The following CR1L variants were observed in gnomAD, a reference collection of about 807,000 sequenced individuals.
CR1L encodes complement C3b/C4b receptor 1 like.
A neutral mutation model predicts 62.3 loss-of-function variants in CR1L; 59 were observed. The ratio of observed to expected loss-of-function variants is 0.95; its 90% CI spans 0.77 to 1.18. The LOEUF is 1.18. CR1L is among the 50% of genes most tolerant of loss of function. The probability of loss-of-function intolerance (pLI) is 0.00; values close to 1 mark genes in which losing one functional copy is unlikely to be tolerated. For missense variants in CR1L, 700 were observed against 702.8 expected (o/e 1.00, Z 0.04); for synonymous variants, 279 against 248.7 (o/e 1.12, Z -1.15).
intron 1 of CR1L, among the ~76,000 whole-genome samples, chr1:207,654,972 T>G (rs1663282811): frequency 6.6e-6 from 1 of 152,230 alleles, no homozygotes; most frequent in Non-Finnish European, 1.5e-5. Context: ...TTTATTTAGA[T>G]GTTTTTGCTC....
At chr1:207,649,722 A>G (rs1484503329) in intron 1 of CR1L, among the ~76,000 whole-genome samples, 2 of 152,146 alleles carry the variant, frequency 1.3e-5, no homozygotes, top group Admixed American at 1.3e-4. Context: ...ATGGGATTTA[A>G]AAGTCTCTAA....
At chr1:207,714,422 A>G (rs534746835) in intron 10 of CR1L, among the ~76,000 whole-genome samples, 63 of 152,310 alleles carry the variant, frequency 4.1e-4, no homozygotes, top group African/African-American at 1.4e-3. Context: ...AAGCCAGTCC[A>G]TGGATTTACC....
Position 207,646,154 on chromosome 1 carries a change from T to C in CR1L, c.97+824T>C, listed in dbSNP as rs1663122006. Among the ~76,000 whole-genome samples the C allele has an allele frequency of 2.0e-5, 3 of 152,166 alleles. No homozygotes were observed. In the South Asian group the frequency reaches 6.2e-4, roughly 32 times the overall value. On this transcript the variant is annotated intron_variant, in intron 1 of 11. Coordinates refer to ENST00000508064, the MANE Select transcript of CR1L (RefSeq NM_175710.2). The stretch of plus-strand genomic sequence containing the variant: ...TGGGTGGGCCATCGAGTCATCTTCC[T>C]GTTCCCAACCAATATAGACAGTATC...
chr1:207,660,018 G>A (rs1387390285), intron 1 of CR1L, among the ~76,000 whole-genome samples: 1 of 152,226 alleles, frequency 6.6e-6, no homozygotes, highest in Non-Finnish European at 1.5e-5. Flanking sequence ...AAGCGCCAGG[G>A]AAGCCTGAAC....
rs751090378 is a variant in CR1L at position 207,699,258 on chromosome 1, TG to T, written c.1213del (p.Val405PhefsTer16). The T allele has an allele frequency of 3.1e-6, 5 of 1,613,790 alleles. No homozygotes were observed. The highest frequency in any genetic ancestry group is 4.2e-6 in the Non-Finnish European group (5 of 1,179,666). On this transcript the variant is annotated frameshift_variant, in exon 8 of 12. Coordinates refer to ENST00000508064, the MANE Select transcript of CR1L (RefSeq NM_175710.2). LOFTEE classifies it high-confidence loss of function. ...AGMESLWNSS[V>X]PVCERKSCET... The stretch of plus-strand genomic sequence containing the variant: ...GAATGGAAAGCCTTTGGAATAGCAG[TG>T]TTCCAGTGTGTGAACGTAAGTAATA...
chr1:207,720,869 A>G (rs1654120783), intron 11 of CR1L, among the ~76,000 whole-genome samples: 1 of 152,172 alleles, frequency 6.6e-6, no homozygotes, highest in African/African-American at 2.4e-5. Context: ...TCCATTACCC[A>G]GTGTCCCATT....
chr1:207,710,272 A>C, intron 10 of CR1L: 1 of 674,214 alleles, frequency 1.5e-6, no homozygotes, highest in Non-Finnish European at 2.6e-6. Context: ...TGACCTGGGA[A>C]GTTGAGATTG....
chr1:207,710,336 C>G, intron 10 of CR1L: 1 of 1,163,368 alleles, frequency 8.6e-7, no homozygotes, highest in Non-Finnish European at 1.3e-6. Context: ...GAGCAAGACT[C>G]TGTCCCAAGG....
chr1:207,654,863 G>T (rs1409472252), intron 1 of CR1L, among the ~76,000 whole-genome samples: 3 of 152,188 alleles, frequency 2.0e-5, no homozygotes, highest in Admixed American at 2.0e-4. Context: ...CTACAGTCTT[G>T]TCCTTACTGA....
At chr1:207,685,425 C>T (rs1663885184) in intron 4 of CR1L, among the ~76,000 whole-genome samples, 1 of 152,216 alleles carries the variant, frequency 6.6e-6, no homozygotes, top group Non-Finnish European at 1.5e-5. Context: ...TGACCTAAAT[C>T]TCTTATGCTT....
chr1:207,721,387 C>T (rs146995532), intron 11 of CR1L, among the ~76,000 whole-genome samples: 21 of 140,356 alleles, frequency 1.5e-4, no homozygotes, highest in African/African-American at 1.1e-4. Flanking sequence ...ATTCCCCTTC[C>T]GTGTCCATGT....
chr1:207,662,646 T>G (rs1663443798), intron 1 of CR1L, among the ~76,000 whole-genome samples: 1 of 152,248 alleles, frequency 6.6e-6, no homozygotes, highest in East Asian at 1.9e-4. Flanking sequence ...TTCTCTCAAC[T>G]CATCAAAGTC....
chr1:207,723,625 T>C lies in CR1L; in HGVS notation c.1650T>C (p.His550=). Reference sequence around the variant, plus strand: ...CTTTTGTCTTCCTTTTAGGTTCACATGATGCTCTTATAGTTGGTAAGTTTT... The same window carrying C: ...CTTTTGTCTTCCTTTTAGGTTCACACGATGCTCTTATAGTTGGTAAGTTTT... ...RCELPVGAGS[H]DALIVGKFYE... Residue 550 remains histidine (H), a synonymous_variant, in exon 12 of 12, where the codon CAT becomes CAC. Coordinates refer to ENST00000508064, the MANE Select transcript of CR1L (RefSeq NM_175710.2). 2 of 1,596,378 alleles carry C rather than the reference T, an allele frequency of 1.3e-6. No homozygotes were observed. Among genetic ancestry groups the C allele is most frequent in the Non-Finnish European group, 1.7e-6 (2 of 1,169,906 alleles).
intron 10 of CR1L, among the ~76,000 whole-genome samples, chr1:207,710,080 C>T (rs1384023842): frequency 6.6e-6 from 1 of 152,090 alleles, no homozygotes; most frequent in Non-Finnish European, 1.5e-5. Flanking sequence ...CACGATGGCT[C>T]ACGCCTGTAA....
rs1052926522 is a variant in CR1L at position 207,662,476 on chromosome 1, G to A, written c.98-14913G>A. 2.1e-4 allele frequency among the ~76,000 whole-genome samples: 32 copies of A among 152,210 alleles called. 1 individual carries two copies. The South Asian group carries it at 5.6e-3, about 27-fold the overall frequency. On this transcript the variant is annotated intron_variant, in intron 1 of 11. Transcript: ENST00000508064. ...CTTGTGCATTCGTCACGTAGTTCTC[G>A]TGCCATAGTTTTCAGCTCCATCAGG...
chr1:207,645,338 C>G lies in CR1L; in HGVS notation c.97+8C>G. ...TGCTGTCCTCCTTCTCCGGTAGGAC[C>G]CCGGGGTGGATTCGCGCGTCCGCGG... is the stretch of plus-strand genomic sequence containing the variant. On this transcript the variant is annotated splice_region_variant and intron_variant, in intron 1 of 11. Transcript: ENST00000508064. 6.2e-7 allele frequency: 1 copy of G among 1,613,612 alleles called. No individual in the cohort carries two copies. The highest frequency in any genetic ancestry group is 1.1e-5 in the South Asian group (1 of 91,076).
Position 207,717,468 on chromosome 1 carries a change from C to A in CR1L, c.1419C>A (p.Ile473=), listed in dbSNP as rs1654029644. ...WSMKPPICQQ[I]FCPNPPAILN... is the part of the protein sequence containing the mutation. ...AAGCTCTTGTTTTCTTTCTAGAAAT[C>A]TTTTGTCCAAATCCTCCAGCTATCC... The change falls in exon 11 of 12, where the codon ATC becomes ATA. Residue 473 remains isoleucine, a synonymous_variant. Transcript: ENST00000508064. 6.2e-7 allele frequency: 1 copy of A among 1,612,848 alleles called. No individual in the cohort carries two copies. The highest frequency in any genetic ancestry group is 8.5e-7 in the Non-Finnish European group (1 of 1,179,300).
At position 207,677,485 on chromosome 1, in the gene CR1L, G is replaced by A; in HGVS notation, c.194G>A (p.Cys65Tyr). The stretch of plus-strand genomic sequence containing the variant: ...ATTGGGACATATCTGAACTATGAAT[G>A]CCGCCCTGGTTATTCCGGAAGACCG... ...FPIGTYLNYE[C>Y]RPGYSGRPFS... is the part of the protein sequence containing the mutation. The change falls in exon 2 of 12, where the codon TGC (cysteine) becomes TAC (tyrosine). Residue 65 changes from cysteine (C) to tyrosine (Y), a missense_variant. By Grantham distance (194) the Cys-to-Tyr change is radical. Transcript: ENST00000508064. The A allele has an allele frequency of 6.2e-7, 1 of 1,613,926 alleles. No homozygotes were observed. The highest frequency in any genetic ancestry group is 1.1e-5 in the South Asian group (1 of 91,070).
chr1:207,708,338 A>G (rs1664303162), intron 10 of CR1L, 75 bp downstream of exon 10: 20 of 1,543,684 alleles, frequency 1.3e-5, no homozygotes, highest in Middle Eastern at 2.3e-4. Context: ...ACAAAGAATG[A>G]ATCTCATCCC....
Sources: gnomAD v4.1 joint callset for allele counts (sites outside exome capture counted in the v4.1 genomes callset) on GRCh38, gnomAD v4.1.1 for gene constraint, MANE v1.5 for transcripts, NCBI Gene and HGNC (gene_info 2026-07-23, HGNC 2026-07-21) for gene names.